PGBD5: variants seen among roughly 807,000 people sequenced by gnomAD.
PGBD5 encodes piggyBac transposable element derived 5.
A neutral mutation model predicts 47.9 loss-of-function variants in PGBD5; 14 were observed. The ratio of observed to expected loss-of-function variants is 0.29; its 90% CI spans 0.19 to 0.46. PGBD5 has a LOEUF of 0.46. Among genes scored for constraint, PGBD5 ranks in the 20% least tolerant of loss-of-function variants. PGBD5 has a pLI of 1.00. For synonymous variants in PGBD5, 316 were observed against 306.3 expected, an observed-to-expected ratio of 1.03 and a Z score of -0.33; for missense variants, 635 against 716.0, an observed-to-expected ratio of 0.89 and a Z score of 1.29.
At chr1:230,362,231 G>GCAGCC (rs749209533) in intron 1 of PGBD5, 1 of 1,353,918 alleles carries the variant, frequency 7.4e-7, no homozygotes, top group East Asian at 4.6e-5. Flanking sequence ...CAAATCAGGT[G>GCAGCC]AGACCTGGCT....
chr1:230,346,335 T>C (rs1667472292), intron 3 of PGBD5, among the ~76,000 whole-genome samples: 1 of 152,144 alleles, frequency 6.6e-6, no homozygotes. Flanking sequence ...GCCACTGTGC[T>C]TAACCTGACA....
intron 1 of PGBD5, chr1:230,367,928 C>T: frequency 7.4e-7 from 1 of 1,359,026 alleles, no homozygotes; most frequent in Non-Finnish European, 9.8e-7. Flanking sequence ...AGAGAACTTG[C>T]TCAAGGTCAC....
At chr1:230,331,676 G>C (rs141959851) in intron 5 of PGBD5, among the ~76,000 whole-genome samples, 1 of 148,260 alleles carries the variant, frequency 6.7e-6, no homozygotes, top group Non-Finnish European at 1.5e-5. Flanking sequence ...TTTCTCTCTT[G>C]GTAGATGGGG....
chr1:230,425,733 G>GGCCCCTGGGGGTCCCGGGGA lies in PGBD5; in HGVS notation c.195_196insTCCCCGGGACCCCCAGGGGC (p.Pro66SerfsTer104). The GGCCCCTGGGGGTCCCGGGGA allele has an allele frequency of 8.3e-7, 1 of 1,212,028 alleles. No individual in the cohort carries two copies. Among genetic ancestry groups the GGCCCCTGGGGGTCCCGGGGA allele is most frequent in the Non-Finnish European group, 1.0e-6 (1 of 975,482 alleles). 75.1% of individuals were successfully genotyped at this position (1,212,028 alleles called of 1,614,324 possible). On this transcript the variant is annotated frameshift_variant, in exon 1 of 7. Transcript: ENST00000391860. LOFTEE classifies it high-confidence loss of function. The surrounding 1 kb of genome is among the most constrained non-coding windows in gnomAD (Gnocchi z 4.7). ...GGGGCGGCCCCTGGGGGTCCCGGGG[G>GGCCCCTGGGGGTCCCGGGGA]CTCGCGCTCGTCGTCCGAGGAGGCG...
chr1:230,414,725 C>T (rs988830413), intron 1 of PGBD5, among the ~76,000 whole-genome samples: 1 of 152,184 alleles, frequency 6.6e-6, no homozygotes, highest in Non-Finnish European at 1.5e-5. Context: ...AATATCAGCA[C>T]TAAAGAGCAA....
chr1:230,421,785 C>T (rs985195108), intron 1 of PGBD5, among the ~76,000 whole-genome samples: 1 of 152,128 alleles, frequency 6.6e-6, no homozygotes, highest in African/African-American at 2.4e-5. Context: ...CTTCAAAGTT[C>T]CTCCTGGAGC....
intron 3 of PGBD5, among the ~76,000 whole-genome samples, chr1:230,349,143 T>C (rs1004644915): frequency 6.6e-6 from 1 of 152,224 alleles, no homozygotes; most frequent in Non-Finnish European, 1.5e-5. Flanking sequence ...CCTTGCCTGG[T>C]GACAGATGTG....
chr1:230,398,008 T>G (rs976532035), intron 1 of PGBD5, among the ~76,000 whole-genome samples: 4 of 152,164 alleles, frequency 2.6e-5, no homozygotes, highest in Admixed American at 2.6e-4. Context: ...AGGCCAGATT[T>G]AATGGGTTAC....
At chr1:230,417,164 C>A (rs1299994752) in intron 1 of PGBD5, among the ~76,000 whole-genome samples, 1 of 152,208 alleles carries the variant, frequency 6.6e-6, no homozygotes, top group Non-Finnish European at 1.5e-5. Flanking sequence ...CATTCCTTCT[C>A]CATAGTCAGA....
intron 3 of PGBD5, among the ~76,000 whole-genome samples, chr1:230,348,315 A>G (rs150453349): frequency 6.6e-6 from 1 of 152,358 alleles, no homozygotes; most frequent in Non-Finnish European, 1.5e-5. Flanking sequence ...ATGACTGAGC[A>G]GCTAGTTCAC....
intron 3 of PGBD5, among the ~76,000 whole-genome samples, chr1:230,341,983 G>T (rs2102694556): frequency 6.6e-6 from 1 of 152,174 alleles, no homozygotes; most frequent in East Asian, 1.9e-4. Context: ...TCCTAATGTT[G>T]CATATTTTAT....
chr1:230,331,513 C>A (rs980168282), intron 5 of PGBD5, among the ~76,000 whole-genome samples: 2 of 152,114 alleles, frequency 1.3e-5, no homozygotes, highest in African/African-American at 4.8e-5. Flanking sequence ...TGCACCAAGA[C>A]CCTCATCACT....
At chr1:230,396,848 C>A (rs370436953) in intron 1 of PGBD5, among the ~76,000 whole-genome samples, 1 of 152,106 alleles carries the variant, frequency 6.6e-6, no homozygotes, top group East Asian at 1.9e-4. Context: ...GGATTGTGTG[C>A]GGAGCAGACC....
At chr1:230,394,034 T>C (rs939309840) in intron 1 of PGBD5, among the ~76,000 whole-genome samples, 13 of 152,108 alleles carry the variant, frequency 8.5e-5, no homozygotes, top group South Asian at 6.2e-4. Flanking sequence ...TACAGAAACA[T>C]GGACTTCTTT....
At chr1:230,360,390 G>A (rs984903542) in intron 1 of PGBD5, among the ~76,000 whole-genome samples, 2 of 152,158 alleles carry the variant, frequency 1.3e-5, no homozygotes, top group African/African-American at 2.4e-5. Context: ...GGGAGGGAAG[G>A]AAGGAAAGAA....
At chr1:230,351,388 G>A (rs1667558798) in intron 2 of PGBD5, among the ~76,000 whole-genome samples, 2 of 152,122 alleles carry the variant, frequency 1.3e-5, no homozygotes, top group Admixed American at 1.3e-4. Context: ...ATTGGCCTAA[G>A]GTCCCTTGTC....
intron 3 of PGBD5, among the ~76,000 whole-genome samples, chr1:230,349,257 G>A (rs1667524797): frequency 6.6e-6 from 1 of 152,132 alleles, no homozygotes; most frequent in African/African-American, 2.4e-5. Context: ...GGCCGGTATG[G>A]TGGCTCTTGA....
intron 5 of PGBD5, among the ~76,000 whole-genome samples, chr1:230,325,964 C>A (rs1667110207): frequency 6.6e-6 from 1 of 152,166 alleles, no homozygotes; most frequent in Admixed American, 6.5e-5. Flanking sequence ...CCTCACTCCT[C>A]CCATCTAGGC....
chr1:230,368,169 G>A, intron 1 of PGBD5: 2 of 1,364,876 alleles, frequency 1.5e-6, no homozygotes, highest in Non-Finnish European at 2.0e-6. Context: ...TAAGGTGGAG[G>A]AGAGAGAAGG....
Sources: gnomAD v4.1 joint callset for allele counts (sites outside exome capture counted in the v4.1 genomes callset) on GRCh38, gnomAD v4.1.1 for gene constraint, Gnocchi (gnomAD v3.1) non-coding constraint, MANE v1.5 for transcripts, NCBI Gene and HGNC (gene_info 2026-07-23, HGNC 2026-07-21) for gene names.